ADGRA3: variants seen among roughly 807,000 people sequenced by gnomAD.
ADGRA3 encodes G-protein coupled receptor 125.
ADGRA3 carries 56 observed loss-of-function variants against 119.8 expected under a neutral mutation model. That is an observed-to-expected ratio of 0.47 (90% confidence interval 0.38 to 0.58). The LOEUF is 0.58. ADGRA3 is among the 20% of genes least tolerant of loss of function. The probability of loss-of-function intolerance (pLI) is 0.00; values close to 1 mark genes in which losing one functional copy is unlikely to be tolerated. For synonymous variants in ADGRA3, 607 were observed against 623.8 expected (o/e 0.97, Z 0.40); for missense variants, 1,516 against 1,649.0 (o/e 0.92, Z 1.40).
At chr4:22,414,931 AG>A (rs1050491825) in intron 12 of ADGRA3, among the ~76,000 whole-genome samples, 1 of 152,216 alleles carries the variant, frequency 6.6e-6, no homozygotes, top group Non-Finnish European at 1.5e-5. Flanking sequence ...GTTGGCAGCC[AG>A]GGGGAAGACT....
intron 1 of ADGRA3, among the ~76,000 whole-genome samples, chr4:22,504,717 G>GC (rs1251733192): frequency 2.0e-5 from 3 of 148,452 alleles, no homozygotes; most frequent in African/African-American, 7.3e-5. Context: ...CCCTCAACTG[G>GC]CTCCTGTACT....
chr4:22,419,096 A>T (rs1715545603), intron 12 of ADGRA3, among the ~76,000 whole-genome samples: 1 of 152,142 alleles, frequency 6.6e-6, no homozygotes. Context: ...GAGATTCTGA[A>T]ATATGCAGGA....
chr4:22,438,932 C>T (rs1320421026), intron 7 of ADGRA3, among the ~76,000 whole-genome samples: 4 of 152,036 alleles, frequency 2.6e-5, no homozygotes, highest in African/African-American at 7.2e-5. Context: ...ACCCAGGAGG[C>T]GGAGGTTGCA....
chr4:22,452,098 C>A (rs1009469629), intron 4 of ADGRA3, among the ~76,000 whole-genome samples: 1 of 152,150 alleles, frequency 6.6e-6, no homozygotes, highest in African/African-American at 2.4e-5. Flanking sequence ...AATGTCACTG[C>A]AACACAATGT....
chr4:22,497,630 C>T (rs139135906), intron 1 of ADGRA3, among the ~76,000 whole-genome samples: 3 of 151,718 alleles, frequency 2.0e-5, no homozygotes, highest in East Asian at 2.0e-4. Flanking sequence ...CAGACCAGCC[C>T]GGCCAACATG....
chr4:22,422,145 A>T (rs1314675394), intron 11 of ADGRA3, among the ~76,000 whole-genome samples: 1 of 152,072 alleles, frequency 6.6e-6, no homozygotes, highest in Non-Finnish European at 1.5e-5. Flanking sequence ...GACAGGATTT[A>T]CCGTAAATTC....
chr4:22,462,459 G>A (rs954480140), intron 2 of ADGRA3, among the ~76,000 whole-genome samples: 4 of 152,026 alleles, frequency 2.6e-5, no homozygotes, highest in Non-Finnish European at 5.9e-5. Context: ...GGTTACAGGC[G>A]CCTGTCACCA....
rs567693626 is a variant in ADGRA3 at position 22,421,111 on chromosome 4, G to A, written c.1606-22C>T. On this transcript the variant is annotated intron_variant, in intron 11 of 18. Transcript: ENST00000334304. ...AATACTTGAAAAGTCAATCAAACAG[G>A]AGTTATGAACGATTTATAGCACAAA... 1.3e-3 allele frequency: 2,043 copies of A among 1,598,542 alleles called. 46 individuals carry two copies. The South Asian group carries it at 0.021, about 17-fold the overall frequency.
chr4:22,389,328 G>A (rs763425100), intron 17 of ADGRA3, 145 bp from the exon 18 acceptor site: 28 of 650,386 alleles, frequency 4.3e-5, no homozygotes, highest in Admixed American at 3.4e-4. Flanking sequence ...TAAGTTGGGA[G>A]GCTGATTTAT....
intron 16 of ADGRA3, 104 bp downstream of exon 16, chr4:22,401,327 G>A (rs966244280): frequency 2.0e-6 from 2 of 1,025,616 alleles, no homozygotes; most frequent in African/African-American, 3.3e-5. Context: ...ACTTTAATCA[G>A]TTAAAGAAAA....
intron 4 of ADGRA3, among the ~76,000 whole-genome samples, chr4:22,451,832 T>C (rs1334816346): frequency 6.6e-6 from 1 of 152,162 alleles, no homozygotes; most frequent in Non-Finnish European, 1.5e-5. Context: ...TGGGAAACAG[T>C]AAGAGGAAGA....
At chr4:22,504,844 A>G (rs1284656987) in intron 1 of ADGRA3, among the ~76,000 whole-genome samples, 1 of 152,032 alleles carries the variant, frequency 6.6e-6, no homozygotes, top group Non-Finnish European at 1.5e-5. Context: ...GAACCACCCA[A>G]CGAGGCTCCG....
At chr4:22,414,392 C>A (rs998183681) in intron 12 of ADGRA3, 5 of 454,040 alleles carry the variant, frequency 1.1e-5, no homozygotes, top group Non-Finnish European at 1.9e-5. Flanking sequence ...ATAGGAACAA[C>A]TGAAAATGCT....
intron 2 of ADGRA3, among the ~76,000 whole-genome samples, chr4:22,472,804 A>G (rs1717901202): frequency 6.6e-6 from 1 of 152,112 alleles, no homozygotes; most frequent in South Asian, 2.1e-4. Flanking sequence ...AAAAATGAGG[A>G]CAGTGTGTTA....
chr4:22,497,794 T>C (rs1718894368), intron 1 of ADGRA3, among the ~76,000 whole-genome samples: 1 of 148,244 alleles, frequency 6.7e-6, no homozygotes, highest in Non-Finnish European at 1.5e-5. Context: ...GGATCAAGTG[T>C]TCAGGCCGGG....
chr4:22,477,006 G>A (rs79004716), intron 1 of ADGRA3, among the ~76,000 whole-genome samples: 4,920 of 151,654 alleles, frequency 0.032, 272 homozygotes, highest in African/African-American at 0.11. Flanking sequence ...AATATCTTTC[G>A]AAATCTCTAA....
chr4:22,440,411 A>G (rs1716565975), intron 7 of ADGRA3, among the ~76,000 whole-genome samples: 1 of 152,178 alleles, frequency 6.6e-6, no homozygotes, highest in African/African-American at 2.4e-5. Context: ...GGGGAGATCA[A>G]TGAAAAATCA....
chr4:22,511,373 AG>A (rs1719440731), intron 1 of ADGRA3, among the ~76,000 whole-genome samples: 1 of 152,216 alleles, frequency 6.6e-6, no homozygotes, highest in Admixed American at 6.5e-5. Flanking sequence ...TCAATACAAA[AG>A]TCTACCTGAG....
intron 16 of ADGRA3, 103 bp downstream of exon 16, chr4:22,401,328 T>A: frequency 9.6e-7 from 1 of 1,037,068 alleles, no homozygotes; most frequent in South Asian, 2.1e-5. Context: ...CTTTAATCAG[T>A]TAAAGAAAAG....
Sources: allele counts gnomAD v4.1 joint callset (sites outside exome capture counted in the v4.1 genomes callset), GRCh38; gene constraint gnomAD v4.1.1; transcripts MANE v1.5; gene names NCBI Gene and HGNC (gene_info 2026-07-23, HGNC 2026-07-21).